The following KCNQ3 variants were observed in gnomAD, a reference collection of about 807,000 sequenced individuals.
KCNQ3 encodes the protein potassium voltage-gated channel subfamily KQT member 3.
A neutral mutation model predicts 92.5 loss-of-function variants in KCNQ3; 30 were observed. The ratio of observed to expected loss-of-function variants is 0.32; its 90% confidence interval spans 0.24 to 0.44. The LOEUF is 0.44. Ranked by LOEUF, KCNQ3 falls within the 20% of genes least tolerant of loss-of-function variation. KCNQ3 has a pLI of 1.00. For synonymous variants in KCNQ3, 450 were observed against 468.8 expected, an observed-to-expected ratio of 0.96 and a Z score of 0.52; for missense variants, 913 against 1,140.3, an observed-to-expected ratio of 0.80 and a Z score of 2.87.
intron 1 of KCNQ3, among the ~76,000 whole-genome samples, chr8:132,201,082 T>C (rs564698884): frequency 6.6e-6 from 1 of 152,308 alleles, no homozygotes; most frequent in East Asian, 1.9e-4. Context: ...CTCACATTTA[T>C]AAGAAATCCA....
At chr8:132,200,194 C>T (rs1156576249) in intron 1 of KCNQ3, among the ~76,000 whole-genome samples, 1 of 152,094 alleles carries the variant, frequency 6.6e-6, no homozygotes, top group African/African-American at 2.4e-5. Flanking sequence ...TATCCCTATC[C>T]ATCTATAAAT....
At chr8:132,168,403 A>T (rs1367422515) in intron 8 of KCNQ3, among the ~76,000 whole-genome samples, 1 of 152,118 alleles carries the variant, frequency 6.6e-6, no homozygotes, top group Non-Finnish European at 1.5e-5. Context: ...GTGACCCTCC[A>T]TGGTTGTCCC....
At chr8:132,471,461 C>A (rs530128587) in intron 1 of KCNQ3, among the ~76,000 whole-genome samples, 43 of 152,166 alleles carry the variant, frequency 2.8e-4, no homozygotes, top group African/African-American at 1.0e-3. Flanking sequence ...AAGAAGGCAG[C>A]AGATTAGATA....
intron 1 of KCNQ3, among the ~76,000 whole-genome samples, chr8:132,349,192 T>G (rs1563872894): frequency 6.6e-6 from 1 of 152,170 alleles, no homozygotes; most frequent in Non-Finnish European, 1.5e-5. Flanking sequence ...GGAGGTGAAG[T>G]GGCCTACCCA....
At chr8:132,342,735 A>G (rs1818569280) in intron 1 of KCNQ3, among the ~76,000 whole-genome samples, 1 of 152,202 alleles carries the variant, frequency 6.6e-6, no homozygotes, top group Admixed American at 6.5e-5. Context: ...TAGGCATTTG[A>G]GTCTGTAAGT....
intron 7 of KCNQ3, among the ~76,000 whole-genome samples, chr8:132,172,113 G>C (rs893516197): frequency 3.3e-5 from 5 of 151,992 alleles, no homozygotes; most frequent in Non-Finnish European, 7.4e-5. Flanking sequence ...CTTGAGCCTG[G>C]GAGATGGAGG....
intron 9 of KCNQ3, among the ~76,000 whole-genome samples, chr8:132,161,631 C>CA (rs201175355): frequency 0.019 from 2,681 of 142,390 alleles, 32 homozygotes; most frequent in Non-Finnish European, 0.03. Context: ...GACTTCATCT[C>CA]AAAAAAACAA....
chr8:132,355,608 G>T (rs931549054), intron 1 of KCNQ3, among the ~76,000 whole-genome samples: 3 of 152,022 alleles, frequency 2.0e-5, no homozygotes, highest in Admixed American at 2.0e-4. Context: ...CATGCCCTCA[G>T]GGAAGCTGGT....
chr8:132,154,854 A>G (rs1825756923), intron 9 of KCNQ3, among the ~76,000 whole-genome samples: 1 of 152,214 alleles, frequency 6.6e-6, no homozygotes, highest in African/African-American at 2.4e-5. Context: ...TCATGTGAGA[A>G]GAACTCATTT....
At chr8:132,143,729 G>A (rs1029206873) in intron 9 of KCNQ3, among the ~76,000 whole-genome samples, 2 of 152,362 alleles carry the variant, frequency 1.3e-5, no homozygotes, top group African/African-American at 2.4e-5. Context: ...TATTAACTGA[G>A]TAAGTAATCC....
chr8:132,313,027 T>G (rs1817640196), intron 1 of KCNQ3, among the ~76,000 whole-genome samples: 1 of 152,170 alleles, frequency 6.6e-6, no homozygotes, highest in African/African-American at 2.4e-5. Flanking sequence ...CACATCAACC[T>G]TCCAGCCGGA....
At chr8:132,388,564 G>A (rs1300826493) in intron 1 of KCNQ3, among the ~76,000 whole-genome samples, 1 of 152,114 alleles carries the variant, frequency 6.6e-6, no homozygotes, top group Non-Finnish European at 1.5e-5. Flanking sequence ...AATAAATCAT[G>A]TTGCCAGTAG....
intron 1 of KCNQ3, among the ~76,000 whole-genome samples, chr8:132,220,305 C>T (rs1378296227): frequency 6.6e-6 from 1 of 152,184 alleles, no homozygotes; most frequent in African/African-American, 2.4e-5. Context: ...ACCACAGCCA[C>T]CTCTGCCCCT....
intron 1 of KCNQ3, among the ~76,000 whole-genome samples, chr8:132,413,059 A>C (rs2130799732): frequency 6.6e-6 from 1 of 152,348 alleles, no homozygotes; most frequent in Admixed American, 6.5e-5. Flanking sequence ...TGGATGAATT[A>C]GTGAAAAAAT....
intron 1 of KCNQ3, among the ~76,000 whole-genome samples, chr8:132,213,166 A>G (rs1813915652): frequency 6.6e-6 from 1 of 151,990 alleles, no homozygotes; most frequent in African/African-American, 2.4e-5. Flanking sequence ...TCTTCATTCA[A>G]TTTCTTCTTC....
chr8:132,232,516 A>G (rs1379657817), intron 1 of KCNQ3, among the ~76,000 whole-genome samples: 2 of 152,242 alleles, frequency 1.3e-5, no homozygotes, highest in Non-Finnish European at 2.9e-5. Context: ...ATAATTAAGA[A>G]CTTAATTTTA....
intron 1 of KCNQ3, among the ~76,000 whole-genome samples, chr8:132,421,588 G>A (rs1820968797): frequency 6.6e-6 from 1 of 152,146 alleles, no homozygotes; most frequent in Non-Finnish European, 1.5e-5. Context: ...GATGGTGGGT[G>A]GTAACAGATG....
intron 10 of KCNQ3, chr8:132,140,476 C>T (rs1825255270): frequency 5.2e-6 from 2 of 381,728 alleles, no homozygotes; most frequent in South Asian, 3.4e-5. Flanking sequence ...GCCCCCAGAG[C>T]CAGAAGCCAG....
chr8:132,381,144 T>C (rs904662011), intron 1 of KCNQ3, among the ~76,000 whole-genome samples: 4 of 152,142 alleles, frequency 2.6e-5, no homozygotes, highest in Non-Finnish European at 4.4e-5. Flanking sequence ...GGTTGGTCCG[T>C]TATCCATAAT....
Sources: gnomAD v4.1 joint callset for allele counts (sites outside exome capture counted in the v4.1 genomes callset) on GRCh38, gnomAD v4.1.1 for gene constraint, MANE v1.5 for transcripts, NCBI Gene and HGNC (gene_info 2026-07-23, HGNC 2026-07-21) for gene names.